Variants in DOCK11 observed in about 807,000 individuals in gnomAD.
The protein encoded by DOCK11 is dedicator of cytokinesis protein 11.
DOCK11 carries 70 observed loss-of-function variants against 169.1 expected under a neutral mutation model. The observed-to-expected ratio is 0.41, with a 90% CI of 0.34 to 0.51. The LOEUF (loss-of-function observed/expected upper bound fraction) is 0.51, where lower values mean the gene tolerates loss of function less well. DOCK11 is among the 20% of genes least tolerant of loss of function. The pLI, the probability that DOCK11 is intolerant of heterozygous loss-of-function variation, is 0.10. For synonymous variants in DOCK11, 529 were observed against 541.3 expected (o/e 0.98, Z 0.32); for missense variants, 1,166 against 1,538.8 (o/e 0.76, Z 4.05).
chrX:118,570,336 G>A (rs2013233263), intron 10 of DOCK11, among the ~76,000 whole-genome samples: 1 of 112,067 alleles, frequency 8.9e-6, no homozygotes, highest in Non-Finnish European at 1.9e-5. Context: ...GAGTGGTTTG[G>A]TCCAGTTTCT....
intron 6 of DOCK11, among the ~76,000 whole-genome samples, chrX:118,551,635 C>G (rs1471167424): frequency 2.7e-5 from 3 of 110,540 alleles, no homozygotes; most frequent in African/African-American, 9.9e-5. Context: ...GAGGTCAAAG[C>G]TACAGTGAGC....
intron 1 of DOCK11, among the ~76,000 whole-genome samples, chrX:118,533,792 T>G (rs1022414043): frequency 5.3e-5 from 6 of 112,301 alleles, no homozygotes; most frequent in Non-Finnish European, 1.1e-4. Context: ...GAGATGTCTT[T>G]TTGTTGTTGT....
At chrX:118,567,111 G>A (rs754702293) in intron 9 of DOCK11, among the ~76,000 whole-genome samples, 2 of 111,644 alleles carry the variant, frequency 1.8e-5, no homozygotes, top group African/African-American at 6.5e-5. Context: ...TGGTGAACAT[G>A]CATCATTTTT....
rs181788019 is a variant in DOCK11 at position 118,562,418 on chromosome X, C to T, written c.693+901C>T. The stretch of plus-strand genomic sequence containing the variant: ...TTATCATCGCTGGCCCAAAGTTGCG[C>T]TTTTATGCCTCCTGATTTCTTGTCT... On this transcript the variant is annotated intron_variant, in intron 7 of 52. Transcript: ENST00000276202. 9.9e-4 allele frequency among the ~76,000 whole-genome samples: 110 copies of T among 111,477 alleles called. 1 individual carries two copies. The highest frequency in any genetic ancestry group is 3.4e-3 in the African/African-American group (105 of 30,747).
intron 35 of DOCK11, chrX:118,634,059 T>C (rs770969083): frequency 4.4e-5 from 5 of 112,363 alleles, no homozygotes; most frequent in African/African-American, 9.7e-5. Context: ...TGCAGGACTC[T>C]CTGCTGTTTA....
At chrX:118,681,889 C>T (rs1436157956) in intron 51 of DOCK11, 95 bp downstream of exon 51, 8 of 595,353 alleles carry the variant, frequency 1.3e-5, no homozygotes, top group Non-Finnish European at 2.0e-5. Flanking sequence ...TAATACCCTT[C>T]CAAAAAGGGA....
At chrX:118,516,018 T>TATATATATATATATATACGC (rs1269373292) in intron 1 of DOCK11, among the ~76,000 whole-genome samples, 1 of 81,469 alleles carries the variant, frequency 1.2e-5, no homozygotes, top group African/African-American at 5.2e-5. Flanking sequence ...TATATATATA[T>TATATATATATATATATACGC]ACATTCTTAC....
Position 118,546,050 on chromosome X carries a change from T to G in DOCK11, c.492T>G (p.Gly164=). 2 of 1,207,140 alleles carry G rather than the reference T, an allele frequency of 1.7e-6. No individual in the cohort carries two copies. The highest frequency in any genetic ancestry group is 2.2e-6 in the Non-Finnish European group (2 of 892,840). The change falls in exon 6 of 53, where the codon GGT becomes GGG. Residue 164 remains glycine, a synonymous_variant. Coordinates refer to ENST00000276202, the MANE Select transcript of DOCK11 (RefSeq NM_144658.4). ...CATCTTCTTTATGTTCTCAGAAGGGTGGTGTGATAAAACAAGGCTGGTTGC... is the reference window on the plus strand; with the variant it reads ...CATCTTCTTTATGTTCTCAGAAGGGGGGTGTGATAAAACAAGGCTGGTTGC... The part of the protein sequence containing the change: ...EDSSSLCSQK[G]GVIKQGWLHK...
intron 32 of DOCK11, among the ~76,000 whole-genome samples, chrX:118,626,339 G>A (rs1382971919): frequency 1.8e-5 from 2 of 111,069 alleles, no homozygotes; most frequent in African/African-American, 6.6e-5. Flanking sequence ...CCAAAGTGCT[G>A]GAATTATAGG....
intron 46 of DOCK11, among the ~76,000 whole-genome samples, chrX:118,672,463 T>C (rs1442396893): frequency 4.4e-5 from 5 of 112,884 alleles, no homozygotes; most frequent in African/African-American, 6.4e-5. Flanking sequence ...GACGGAGTCT[T>C]GCTCTTTGGC....
chrX:118,655,642 C>T (rs947753027), intron 44 of DOCK11, among the ~76,000 whole-genome samples: 10 of 111,900 alleles, frequency 8.9e-5, no homozygotes, highest in Non-Finnish European at 7.5e-5. Flanking sequence ...TTTCCATAAA[C>T]AGTATTGTTG....
At chrX:118,649,467 T>C (rs1208482847) in intron 41 of DOCK11, among the ~76,000 whole-genome samples, 3 of 112,350 alleles carry the variant, frequency 2.7e-5, no homozygotes, top group Non-Finnish European at 5.6e-5. Flanking sequence ...TTCTATGGAA[T>C]AGAGCTGCTC....
chrX:118,585,313 T>C (rs750710247), intron 16 of DOCK11, among the ~76,000 whole-genome samples, 196 bp downstream of exon 16: 2 of 109,018 alleles, frequency 1.8e-5, no homozygotes, highest in Non-Finnish European at 3.8e-5. Flanking sequence ...AAGTCCAAAA[T>C]TAAGGTGTTT....
intron 10 of DOCK11, among the ~76,000 whole-genome samples, chrX:118,572,049 T>C: frequency 8.9e-6 from 1 of 112,175 alleles, no homozygotes; most frequent in Middle Eastern, 4.6e-3. Flanking sequence ...AGACAGGGAA[T>C]CATGCCATGT....
chrX:118,542,272 G>A (rs1158842718), intron 1 of DOCK11, among the ~76,000 whole-genome samples: 1 of 108,468 alleles, frequency 9.2e-6, no homozygotes, highest in Admixed American at 9.9e-5. Context: ...CCAGGCTCAA[G>A]TGATCCTCCT....
At chrX:118,659,765 A>G (rs1228018713) in intron 44 of DOCK11, among the ~76,000 whole-genome samples, 1 of 111,846 alleles carries the variant, frequency 8.9e-6, no homozygotes, top group Non-Finnish European at 1.9e-5. Context: ...TGTTCCTGAG[A>G]TAAAACATAA....
chrX:118,604,258 G>A (rs1185785693), intron 23 of DOCK11, among the ~76,000 whole-genome samples: 3 of 111,882 alleles, frequency 2.7e-5, no homozygotes, highest in African/African-American at 9.8e-5. Context: ...ACGAGTATTT[G>A]AGGAAGATTA....
At chrX:118,590,542 CAT>C (rs1165431885) in intron 19 of DOCK11, among the ~76,000 whole-genome samples, 1 of 111,704 alleles carries the variant, frequency 9.0e-6, no homozygotes, top group Non-Finnish European at 1.9e-5. Context: ...AGGAAACAAA[CAT>C]GAGAGTAGAG....
intron 1 of DOCK11, among the ~76,000 whole-genome samples, chrX:118,496,462 C>T (rs902902641): frequency 9.7e-5 from 11 of 112,886 alleles, no homozygotes; most frequent in Non-Finnish European, 1.7e-4. Flanking sequence ...CTGATCCCCT[C>T]CCGCGAGCAC....
Sources: allele counts gnomAD v4.1 joint callset (sites outside exome capture counted in the v4.1 genomes callset), GRCh38; gene constraint gnomAD v4.1.1; transcripts MANE v1.5; gene names NCBI Gene and HGNC (gene_info 2026-07-23, HGNC 2026-07-21).